SIPA1L2: variants seen among roughly 807,000 people sequenced by gnomAD.
The protein encoded by SIPA1L2 is signal-induced proliferation-associated 1-like protein 2.
SIPA1L2 carries 56 observed loss-of-function variants against 163.9 expected under a neutral mutation model. That is an observed-to-expected ratio of 0.34 (90% confidence interval 0.28 to 0.43). The LOEUF is 0.43. Among genes scored for constraint, SIPA1L2 ranks in the 20% least tolerant of loss-of-function variants. The pLI is 1.00. For missense variants in SIPA1L2, 1,974 were observed against 2,193.5 expected, an observed-to-expected ratio of 0.90 and a Z score of 2.00; for synonymous variants, 877 against 865.7, an observed-to-expected ratio of 1.01 and a Z score of -0.23.
At position 232,572,722 on chromosome 1, in the gene SIPA1L2, CATAT is replaced by C. The variant is rs1558277366; in HGVS notation, c.-270+1448_-270+1451del. On this transcript the variant is annotated intron_variant, in intron 2 of 22. Coordinates refer to ENST00000674635, the MANE Select transcript of SIPA1L2 (RefSeq NM_020808.5). ...ATATATATATATATATATATACACACATATATACATACATACATATATATATATA... is the reference window on the plus strand; with the variant it reads ...ATATATATATATATATATATACACACATACATACATACATATATATATATA... Among the ~76,000 whole-genome samples the C allele has an allele frequency of 1.8e-4, 16 of 88,386 alleles. 1 individual carries two copies. The East Asian group carries it at 5.3e-3, about 29-fold the overall frequency. The allele number at this position is 88,386 out of a possible 152,430, so 58.0% of individuals were successfully genotyped here.
intron 9 of SIPA1L2, chr1:232,462,309 C>A: frequency 6.5e-7 from 1 of 1,548,446 alleles, no homozygotes; most frequent in South Asian, 1.2e-5. Context: ...CTCCTATCCC[C>A]AAAAGCCCAG....
At chr1:232,490,639 AC>A (rs765595738) in intron 5 of SIPA1L2, 27 of 454,060 alleles carry the variant, frequency 5.9e-5, no homozygotes, top group Non-Finnish European at 1.0e-4. Flanking sequence ...GCTGGGACAC[AC>A]CAAAACCTTG....
chr1:232,517,142 C>T (rs79433743), intron 2 of SIPA1L2, among the ~76,000 whole-genome samples: 2,319 of 152,262 alleles, frequency 0.015, 64 homozygotes, highest in African/African-American at 0.053. Flanking sequence ...CAGTCCCCAA[C>T]TAGAAATGAC....
intron 10 of SIPA1L2, among the ~76,000 whole-genome samples, chr1:232,450,254 A>T (rs1358664484): frequency 6.6e-6 from 1 of 152,236 alleles, no homozygotes; most frequent in Non-Finnish European, 1.5e-5. Context: ...GAGTAAATGC[A>T]AATTACATTG....
intron 5 of SIPA1L2, among the ~76,000 whole-genome samples, chr1:232,485,512 G>A (rs1279805400): frequency 8.5e-5 from 13 of 152,180 alleles, no homozygotes; most frequent in Admixed American, 8.5e-4. Flanking sequence ...CATTTACTGA[G>A]AATAGACAAT....
chr1:232,588,368 A>C (rs1047312345), intron 1 of SIPA1L2, among the ~76,000 whole-genome samples: 1 of 151,964 alleles, frequency 6.6e-6, no homozygotes, highest in Non-Finnish European at 1.5e-5. Context: ...TGAAAATTTT[A>C]GACTTTCTTA....
intron 1 of SIPA1L2, among the ~76,000 whole-genome samples, chr1:232,577,516 A>C (rs1291670420): frequency 6.6e-6 from 1 of 152,194 alleles, no homozygotes; most frequent in Admixed American, 6.5e-5. Flanking sequence ...CACAGATAGC[A>C]ATTCCTCTGG....
chr1:232,515,058 T>C lies in SIPA1L2; in HGVS notation c.282A>G (p.Thr94=), dbSNP rs774085432. The change falls in exon 3 of 23, where the codon ACA becomes ACG. Residue 94 remains threonine, a synonymous_variant. Coordinates refer to ENST00000674635, the MANE Select transcript of SIPA1L2 (RefSeq NM_020808.5). ...PPKKDCSKEL[T]CKALWESRSQ... ...ACCGGCTTTCCCACAGTGCCTTGCA[T>C]GTTAGCTCCTTGGAACAGTCCTTTT... The C allele has an allele frequency of 2.5e-6, 4 of 1,614,044 alleles. No homozygotes were observed. In the Admixed American group the frequency reaches 5.0e-5, roughly 20 times the overall value.
intron 7 of SIPA1L2, among the ~76,000 whole-genome samples, chr1:232,473,782 G>A (rs753019782): frequency 3.3e-5 from 5 of 152,206 alleles, no homozygotes; most frequent in East Asian, 3.9e-4. Context: ...AAAAATAAAC[G>A]ATTGGAGGCG....
chr1:232,451,106 T>C (rs1396904290), intron 10 of SIPA1L2, among the ~76,000 whole-genome samples: 1 of 152,166 alleles, frequency 6.6e-6, no homozygotes, highest in Non-Finnish European at 1.5e-5. Context: ...AGATTTTGCT[T>C]TGTTTACTTC....
intron 9 of SIPA1L2, among the ~76,000 whole-genome samples, chr1:232,462,760 G>C (rs142558982): frequency 6.6e-6 from 1 of 152,276 alleles, no homozygotes; most frequent in East Asian, 1.9e-4. Context: ...ATATCAATGC[G>C]ATTATCAGGT....
intron 4 of SIPA1L2, among the ~76,000 whole-genome samples, chr1:232,491,707 G>A (rs866316955): frequency 1.3e-5 from 2 of 152,124 alleles, no homozygotes; most frequent in African/African-American, 2.4e-5. Context: ...GAAAACCCCA[G>A]AACCATAAAT....
chr1:232,414,145 G>A (rs185091275), intron 19 of SIPA1L2, among the ~76,000 whole-genome samples: 327 of 152,304 alleles, frequency 2.1e-3, no homozygotes, highest in Non-Finnish European at 3.6e-3. Context: ...TTTCTACAAG[G>A]ACTGAGTGGT....
intron 19 of SIPA1L2, 109 bp from the exon 20 acceptor site, chr1:232,404,287 A>C (rs1231319896): frequency 4.3e-5 from 36 of 842,462 alleles, no homozygotes. Context: ...TGTGTGATGG[A>C]CCAGGGGAAA....
intron 1 of SIPA1L2, among the ~76,000 whole-genome samples, chr1:232,597,885 C>A (rs937430462): frequency 6.6e-6 from 1 of 151,798 alleles, no homozygotes; most frequent in Non-Finnish European, 1.5e-5. Flanking sequence ...CTGAGGCACC[C>A]GAAAGAACAC....
chr1:232,523,790 A>G (rs80251965), intron 2 of SIPA1L2, among the ~76,000 whole-genome samples: 2,866 of 152,322 alleles, frequency 0.019, 94 homozygotes, highest in African/African-American at 0.064. Context: ...ACATCAATCA[A>G]TATTGTTAAA....
intron 10 of SIPA1L2, among the ~76,000 whole-genome samples, chr1:232,446,108 G>A (rs918171491): frequency 9.2e-5 from 14 of 152,172 alleles, no homozygotes; most frequent in Non-Finnish European, 2.1e-4. Flanking sequence ...TTATTAAAAT[G>A]TTCCAACTAC....
chr1:232,449,278 G>C (rs376936196), intron 10 of SIPA1L2, among the ~76,000 whole-genome samples: 1 of 152,172 alleles, frequency 6.6e-6, no homozygotes, highest in Admixed American at 6.5e-5. Flanking sequence ...CAGCACTTTG[G>C]GGGGCCGAGG....
intron 6 of SIPA1L2, among the ~76,000 whole-genome samples, chr1:232,482,683 A>T (rs1665424022): frequency 6.6e-6 from 1 of 152,204 alleles, no homozygotes; most frequent in Non-Finnish European, 1.5e-5. Context: ...GTCTAAAAAC[A>T]GAACTGACTA....
Sources: gnomAD v4.1 joint callset for allele counts (sites outside exome capture counted in the v4.1 genomes callset) on GRCh38, gnomAD v4.1.1 for gene constraint, MANE v1.5 for transcripts, NCBI Gene and HGNC (gene_info 2026-07-23, HGNC 2026-07-21) for gene names.